The following FRYL variants were observed in gnomAD, a reference collection of about 807,000 sequenced individuals.
FRYL encodes the protein FRY like transcription coactivator.
In FRYL, 150 loss-of-function variants were observed where a neutral mutation model predicts 351.2. The ratio of observed to expected loss-of-function variants is 0.43; its 90% CI spans 0.37 to 0.49. FRYL has a LOEUF of 0.49. Ranked by LOEUF, FRYL falls within the 20% of genes least tolerant of loss-of-function variation. FRYL has a pLI of 0.00. For synonymous variants in FRYL, 1,153 were observed against 1,257.1 expected, an observed-to-expected ratio of 0.92 and a Z score of 1.75; for missense variants, 3,036 against 3,619.3, an observed-to-expected ratio of 0.84 and a Z score of 4.13.
Position 48,603,167 on chromosome 4 carries a change from T to C in FRYL, c.933+123A>G, listed in dbSNP as rs1193109898. The C allele has an allele frequency of 1.0e-4, 74 of 722,412 alleles. 1 individual carries two copies. In the Admixed American group the frequency reaches 2.0e-3, roughly 20 times the overall value. The allele number at this position is 722,412 out of a possible 1,614,324, so 44.8% of individuals were successfully genotyped here. A position where few individuals can be genotyped will look rare whatever the true frequency, so the allele number is the denominator to read the frequency against. On this transcript the variant is annotated intron_variant, in intron 12 of 63. Coordinates refer to ENST00000358350, the MANE Select transcript of FRYL (RefSeq NM_015030.2). ...CATACGTATGTAAAACTTGCCCTTG[T>C]ATTGCACTTCAGGGATTTTACAATT...
intron 44 of FRYL, among the ~76,000 whole-genome samples, chr4:48,543,420 C>T (rs1730663081): frequency 6.6e-6 from 1 of 152,236 alleles, no homozygotes; most frequent in East Asian, 1.9e-4. Context: ...TTAATAAAGT[C>T]ATTCATCTGT....
intron 3 of FRYL, among the ~76,000 whole-genome samples, chr4:48,674,852 T>G (rs1763319818): frequency 6.6e-6 from 1 of 151,942 alleles, no homozygotes; most frequent in South Asian, 2.1e-4. Flanking sequence ...AAGTAGAAAT[T>G]GGGGGAAAAA....
Position 48,547,727 on chromosome 4 carries a change from C to G in FRYL, c.4931G>C (p.Arg1644Pro). The change falls in exon 41 of 64, where the codon CGC (arginine) becomes CCC (proline). Residue 1644 changes from arginine to proline, a missense_variant. By Grantham distance (103) the Arg-to-Pro change is moderately radical. This residue lies in a region of FRYL where 1,987 missense variants were observed against 2,311.7 expected (regional missense o/e 0.86). Coordinates refer to ENST00000358350, the MANE Select transcript of FRYL (RefSeq NM_015030.2). ...CHPEVYEHCK[R>P]LLLHLLIVMG... ...TACTATTAATAAGTGCAGAAGCAGG[C>G]GTTTACAATGTTCATACACCTCAGG... 1.3e-6 allele frequency: 2 copies of G among 1,576,554 alleles called. No homozygotes were observed. Among genetic ancestry groups the G allele is most frequent in the Non-Finnish European group, 1.7e-6 (2 of 1,155,576 alleles).
intron 3 of FRYL, among the ~76,000 whole-genome samples, chr4:48,664,094 A>G (rs995989773): frequency 6.6e-6 from 1 of 152,244 alleles, no homozygotes; most frequent in African/African-American, 2.4e-5. Flanking sequence ...ATAAAAGCAA[A>G]GGAACTCTGG....
chr4:48,608,925 C>T (rs1747434329), intron 9 of FRYL, 62 bp downstream of exon 9: 1 of 973,768 alleles, frequency 1.0e-6, no homozygotes, highest in Non-Finnish European at 1.7e-6. Context: ...CTATTGTATT[C>T]ATTGGTAATG....
intron 1 of FRYL, among the ~76,000 whole-genome samples, chr4:48,766,390 C>T (rs574163537): frequency 2.0e-5 from 3 of 152,242 alleles, no homozygotes; most frequent in South Asian, 2.1e-4. Context: ...AGATTCCAGG[C>T]CCCAGGAATC....
intron 25 of FRYL, 64 bp downstream of exon 25, chr4:48,575,053 C>T: frequency 6.4e-7 from 1 of 1,559,324 alleles, no homozygotes. Flanking sequence ...AAGGACCCTA[C>T]CACACCTTCT....
intron 1 of FRYL, 121 bp from the exon 2 acceptor site, chr4:48,710,819 C>T (rs1448364948): frequency 5.3e-6 from 2 of 378,412 alleles, no homozygotes; most frequent in Non-Finnish European, 9.3e-6. Flanking sequence ...AAAGGTGAAA[C>T]ATCATCCAGT....
chr4:48,760,682 A>G (rs1360317755), intron 1 of FRYL, among the ~76,000 whole-genome samples: 2 of 151,632 alleles, frequency 1.3e-5, no homozygotes, highest in African/African-American at 2.4e-5. Flanking sequence ...TTATTTGTTT[A>G]TTTATTTATT....
chr4:48,607,849 G>C (rs561938453), intron 9 of FRYL, among the ~76,000 whole-genome samples: 5 of 152,198 alleles, frequency 3.3e-5, no homozygotes, highest in Admixed American at 6.5e-5. Context: ...TAGAGTTAAC[G>C]TAGCCATGAT....
At position 48,531,344 on chromosome 4, in the gene FRYL, A is replaced by T; in HGVS notation, c.6715T>A (p.Trp2239Arg). 1 of 1,611,624 alleles carries T rather than the reference A, an allele frequency of 6.2e-7. No homozygotes were observed. Among genetic ancestry groups the T allele is most frequent in the Non-Finnish European group, 8.5e-7 (1 of 1,178,562 alleles). ...IIGKYVQSPY[W>R]KEALNILKLV... The stretch of plus-strand genomic sequence containing the variant: ...TTTAATATGTTAAGGGCTTCCTTCC[A>T]GTAAGGACTCTGGTTTAAAAAATAA... Residue 2239 changes from tryptophan (W) to arginine (R), a missense_variant, in exon 50 of 64, where the codon TGG (tryptophan) becomes AGG (arginine). Coordinates refer to ENST00000358350, the MANE Select transcript of FRYL (RefSeq NM_015030.2).
intron 1 of FRYL, among the ~76,000 whole-genome samples, chr4:48,762,234 G>A (rs1774491985): frequency 6.6e-6 from 1 of 152,162 alleles, no homozygotes; most frequent in African/African-American, 2.4e-5. Flanking sequence ...AACTGATGAA[G>A]ACATTCCCCA....
At chr4:48,563,878 GA>G (rs1341678021) in intron 31 of FRYL, 69 bp downstream of exon 31, 4 of 1,518,906 alleles carry the variant, frequency 2.6e-6, no homozygotes, top group Non-Finnish European at 3.6e-6. Context: ...TCCTATTTTT[GA>G]ATTCAAAAGA....
At chr4:48,685,009 G>A (rs1681852205) in intron 2 of FRYL, among the ~76,000 whole-genome samples, 1 of 151,996 alleles carries the variant, frequency 6.6e-6, no homozygotes, top group Admixed American at 6.6e-5. Context: ...ATAGTATCAT[G>A]AACCCCCCAC....
chr4:48,632,104 A>ATATATG (rs1553957626), intron 4 of FRYL, among the ~76,000 whole-genome samples: 1,302 of 49,536 alleles, frequency 0.026, 47 homozygotes, highest in East Asian at 0.073. Context: ...ATATATATAT[A>ATATATG]TATATATATA....
intron 4 of FRYL, among the ~76,000 whole-genome samples, chr4:48,626,632 T>C (rs1238372640): frequency 1.4e-4 from 21 of 152,138 alleles, no homozygotes; most frequent in Non-Finnish European, 7.4e-5. Context: ...TGATAATTGG[T>C]TTTTCTGTTG....
rs749892979 is a variant in FRYL at position 48,620,720 on chromosome 4, A to C, written c.233T>G (p.Leu78Trp). The C allele has an allele frequency of 1.2e-6, 2 of 1,613,980 alleles. No individual in the cohort carries two copies. Among genetic ancestry groups the C allele is most frequent in the Admixed American group, 3.3e-5 (2 of 60,022 alleles). ...ATTTTGGCGTCTGTACCAGTCAAACAAGGTGCGAAGTAAGGAAGGGAGACA... is the reference window on the plus strand; with the variant it reads ...ATTTTGGCGTCTGTACCAGTCAAACCAGGTGCGAAGTAAGGAAGGGAGACA... The part of the protein sequence containing the change: ...EHCLPSLLRT[L>W]FDWYRRQNGT... The change falls in exon 6 of 64, where the codon TTG (leucine) becomes TGG (tryptophan). Residue 78 changes from leucine to tryptophan, a missense_variant. Physicochemically the swap from Leu to Trp is moderately conservative, Grantham distance 61. This residue lies in a region of FRYL where 457 missense variants were observed against 566.6 expected (regional missense o/e 0.81). Transcript: ENST00000358350.
At chr4:48,757,408 C>T (rs1487848288) in intron 1 of FRYL, among the ~76,000 whole-genome samples, 1 of 152,172 alleles carries the variant, frequency 6.6e-6, no homozygotes, top group African/African-American at 2.4e-5. Context: ...GATATAAAAT[C>T]AATGGGCAAA....
intron 11 of FRYL, among the ~76,000 whole-genome samples, chr4:48,604,326 A>G (rs150745289): frequency 9.2e-5 from 14 of 152,362 alleles, no homozygotes; most frequent in African/African-American, 3.4e-4. Context: ...GCAAAGGCCT[A>G]GTATTATGGG....
Sources: allele counts gnomAD v4.1 joint callset (sites outside exome capture counted in the v4.1 genomes callset), GRCh38; gene constraint gnomAD v4.1.1; regional missense constraint gnomAD v4.1.1; transcripts MANE v1.5; gene names NCBI Gene and HGNC (gene_info 2026-07-23, HGNC 2026-07-21).